The following NAPG variants were observed in gnomAD, a reference collection of about 807,000 sequenced individuals.
The protein encoded by NAPG is gamma-soluble NSF attachment protein.
In NAPG, 25 loss-of-function variants were observed where a neutral mutation model predicts 48.4. That is an observed-to-expected ratio of 0.52 (90% CI 0.38 to 0.72). The LOEUF is 0.72. Ranked by LOEUF, NAPG falls within the 30% of genes least tolerant of loss-of-function variation. The probability of loss-of-function intolerance (pLI) is 0.00; values close to 1 mark genes in which losing one functional copy is unlikely to be tolerated. For missense variants in NAPG, 359 were observed against 372.5 expected, an observed-to-expected ratio of 0.96 and a Z score of 0.30; for synonymous variants, 139 against 127.2, an observed-to-expected ratio of 1.09 and a Z score of -0.62.
chr18:10,528,891 C>T (rs191273585), intron 1 of NAPG, among the ~76,000 whole-genome samples: 2 of 152,288 alleles, frequency 1.3e-5, no homozygotes, highest in African/African-American at 4.8e-5. Flanking sequence ...TTTGATTTTT[C>T]TCCATTTTCT....
At position 10,549,159 on chromosome 18, in the gene NAPG, A is replaced by G; in HGVS notation, c.795+63A>G. ...TTGAAAGAAAGAGGTTTCTAGTGAG[A>G]TTATTTTTTACCCATGTACTTAAGA... On this transcript the variant is annotated intron_variant, in intron 11 of 11. Transcript: ENST00000322897. 10 of 1,539,832 alleles carry G rather than the reference A, an allele frequency of 6.5e-6. No individual in the cohort carries two copies. In the South Asian group the frequency reaches 1.1e-4, roughly 17 times the overall value.
At chr18:10,538,320 C>T (rs1166693601) in intron 5 of NAPG, among the ~76,000 whole-genome samples, 2 of 152,226 alleles carry the variant, frequency 1.3e-5, no homozygotes, top group East Asian at 1.9e-4. Flanking sequence ...GCTCATGTGG[C>T]GGGACAGTGC....
At position 10,552,609 on chromosome 18, in the gene NAPG, G is replaced by C. The variant is rs1238257419; in HGVS notation, c.*2389G>C. 6.6e-6 allele frequency: 1 copy of C among 152,182 alleles called. No individual in the cohort carries two copies. The highest frequency in any genetic ancestry group is 2.4e-5 in the African/African-American group (1 of 41,442). The allele number at this position is 152,182 out of a possible 1,614,324, so 9.4% of individuals were successfully genotyped here. A position where few individuals can be genotyped will look rare whatever the true frequency, so the allele number is the denominator to read the frequency against. ...TAGATTTAATATATTGAATTTATTT[G>C]TACATATGCAGAGTACGGTATTTCT... On this transcript the variant is annotated 3_prime_UTR_variant, in exon 12 of 12. Coordinates refer to ENST00000322897, the MANE Select transcript of NAPG (RefSeq NM_003826.3).
At chr18:10,533,446 A>G (rs867752999) in intron 3 of NAPG, 90 bp from the exon 4 acceptor site, 7 of 1,186,394 alleles carry the variant, frequency 5.9e-6, no homozygotes, top group Middle Eastern at 2.1e-4. Context: ...TGGGTCAGTG[A>G]TTTAGTTAAC....
At position 10,526,139 on chromosome 18, in the gene NAPG, C is replaced by T. The variant is rs749070306; in HGVS notation, c.37C>T (p.Leu13Phe). ...GAAGATAAACGAGGGGCTGGAACAC[C>T]TCGCCAAAGCAGAGAAATAGTGAGT... ...AQKINEGLEH[L>F]AKAEKYLKTG... Residue 13 changes from leucine (L) to phenylalanine (F), a missense_variant, in exon 1 of 12, where the codon CTC becomes TTC. By Grantham distance (22) the Leu-to-Phe change is conservative (BLOSUM62 0). Transcript: ENST00000322897. The T allele has an allele frequency of 3.7e-6, 6 of 1,613,672 alleles. No individual in the cohort carries two copies. In the Admixed American group the frequency reaches 8.3e-5, roughly 22 times the overall value.
chr18:10,526,202 C>A (rs867883452), intron 1 of NAPG, 44 bp downstream of exon 1: 7 of 1,378,348 alleles, frequency 5.1e-6, no homozygotes, highest in Middle Eastern at 4.8e-4. Context: ...ACGCCGGGTC[C>A]GTCTCTCACT....
chr18:10,527,196 A>AG (rs990675625), intron 1 of NAPG, among the ~76,000 whole-genome samples: 5 of 150,678 alleles, frequency 3.3e-5, no homozygotes, highest in African/African-American at 9.7e-5. Context: ...TCAAAAAAAA[A>AG]AAAAAAAAAG....
Position 10,534,583 on chromosome 18 carries a change from G to T in NAPG, c.258+87G>T. 1 of 1,296,966 alleles carries T rather than the reference G, an allele frequency of 7.7e-7. No individual in the cohort carries two copies. 80.3% of individuals were successfully genotyped at this position (1,296,966 alleles called of 1,614,324 possible). ...CAAGAATTTTTGTTGAAGTTGAAAA[G>T]CTTCCTTACTGTAAGGCAAGAGGTG... On this transcript the variant is annotated intron_variant, in intron 5 of 11. Coordinates refer to ENST00000322897, the MANE Select transcript of NAPG (RefSeq NM_003826.3). The surrounding 1 kb of genome is among the most constrained non-coding windows in gnomAD (Gnocchi z 5.0).
In NAPG at chr18:10,535,059, A is replaced by G. The variant is rs1325030259; in HGVS notation, c.258+563A>G. Among the ~76,000 whole-genome samples the G allele has an allele frequency of 3.3e-5, 5 of 152,218 alleles. No homozygotes were observed. The East Asian group carries it at 9.6e-4, about 29-fold the overall frequency. ...GTGGTGAGACAGAACATACTACTTTATGATGCTGACTTTCAAAGTATGCCA... is the reference window on the plus strand; with the variant it reads ...GTGGTGAGACAGAACATACTACTTTGTGATGCTGACTTTCAAAGTATGCCA... On this transcript the variant is annotated intron_variant, in intron 5 of 11. Coordinates refer to ENST00000322897, the MANE Select transcript of NAPG (RefSeq NM_003826.3).
rs1256113639 is a variant in NAPG at position 10,549,096 on chromosome 18, T to C, written c.795T>C (p.Asp265=). 3.1e-6 allele frequency: 5 copies of C among 1,612,340 alleles called. No homozygotes were observed. Among genetic ancestry groups the C allele is most frequent in the Non-Finnish European group, 1.7e-6 (2 of 1,178,898 alleles). The change falls in exon 11 of 12, where the codon GAT becomes GAC. Residue 265 remains aspartate, a splice_region_variant and synonymous_variant. Coordinates refer to ENST00000322897, the MANE Select transcript of NAPG (RefSeq NM_003826.3). The part of the protein sequence containing the change: ...NSPLFKYMDN[D]YAKLGLSLVV... ...CGCTTTTCAAGTACATGGACAATGA[T>C]GTAAGTGGACCCATTTGCATAGCTT...
Position 10,551,235 on chromosome 18 carries a change from C to T in NAPG, c.*1015C>T, listed in dbSNP as rs1455701816. The T allele has an allele frequency of 6.6e-6, 1 of 151,966 alleles. No individual in the cohort carries two copies. The highest frequency in any genetic ancestry group is 1.5e-5 in the Non-Finnish European group (1 of 68,002). The allele number at this position is 151,966 out of a possible 1,614,324, so 9.4% of individuals were successfully genotyped here. A position where few individuals can be genotyped will look rare whatever the true frequency, so the allele number is the denominator to read the frequency against. On this transcript the variant is annotated 3_prime_UTR_variant, in exon 12 of 12. Transcript: ENST00000322897. ...TGTAGACATAAGCCACCTCACCCAG[C>T]CTATGAATATCTTTCTAACATTGTA...
chr18:10,548,409 C>G lies in NAPG; in HGVS notation c.665+31C>G. Reference sequence around the variant, plus strand: ...ACGTTGTCTGGGCCCTCTTGACTTGCAGTGGCGACACCTCTGTGTCTACAA... The same window carrying G: ...ACGTTGTCTGGGCCCTCTTGACTTGGAGTGGCGACACCTCTGTGTCTACAA... On this transcript the variant is annotated intron_variant, in intron 10 of 11. Transcript: ENST00000322897. This position sits in a 1 kb window ranked among gnomAD's most constrained non-coding sequence, Gnocchi z 4.4. The G allele has an allele frequency of 6.6e-7, 1 of 1,526,680 alleles. No individual in the cohort carries two copies. The highest frequency in any genetic ancestry group is 1.1e-5 in the South Asian group (1 of 89,080). The allele number at this position is 1,526,680 out of a possible 1,614,324, so 94.6% of individuals were successfully genotyped here.
chr18:10,540,070 AT>A lies in NAPG; in HGVS notation c.435+23del, dbSNP rs767213842. ...TGTGTTTGAAGTAAGTTTGAATCTT[AT>A]TTTTTTCTTTAATTACTTAGAATGT... On this transcript the variant is annotated intron_variant, in intron 7 of 11. Transcript: ENST00000322897. The A allele has an allele frequency of 7.2e-6, 11 of 1,534,390 alleles. No homozygotes were observed. Among genetic ancestry groups the A allele is most frequent in the East Asian group, 2.4e-5 (1 of 41,342 alleles).
chr18:10,540,244 TTAC>T, intron 7 of NAPG, 82 bp from the exon 8 acceptor site: 1 of 1,257,604 alleles, frequency 8.0e-7, no homozygotes, highest in South Asian at 1.3e-5. Flanking sequence ...TCCAGTGCCA[TTAC>T]TTCTTTACAA....
intron 7 of NAPG, 32 bp from the exon 8 acceptor site, chr18:10,540,297 A>G: frequency 6.3e-7 from 1 of 1,579,634 alleles, no homozygotes; most frequent in Non-Finnish European, 8.7e-7. Context: ...ACATTAAAGC[A>G]GCCAACACTT....
At chr18:10,529,412 C>T (rs147712455) in intron 1 of NAPG, among the ~76,000 whole-genome samples, 2 of 152,288 alleles carry the variant, frequency 1.3e-5, no homozygotes, top group East Asian at 1.9e-4. Flanking sequence ...TATACACAAA[C>T]AAGTTTTAGA....
At position 10,550,352 on chromosome 18, in the gene NAPG, T is replaced by G; in HGVS notation, c.*132T>G. 2 of 934,980 alleles carry G rather than the reference T, an allele frequency of 2.1e-6. No homozygotes were observed. Among genetic ancestry groups the G allele is most frequent in the Non-Finnish European group, 3.0e-6 (2 of 661,974 alleles). 57.9% of individuals were successfully genotyped at this position (934,980 alleles called of 1,614,324 possible). A position where few individuals can be genotyped will look rare whatever the true frequency, so the allele number is the denominator to read the frequency against. On this transcript the variant is annotated 3_prime_UTR_variant, in exon 12 of 12. Coordinates refer to ENST00000322897, the MANE Select transcript of NAPG (RefSeq NM_003826.3). ...TTTTGGATCCTAATAAAGACTAGTT[T>G]TTAGTTACCATCTTCCCAAATCACT...
chr18:10,539,697 T>C lies in NAPG; in HGVS notation c.259-65T>C. On this transcript the variant is annotated intron_variant, in intron 5 of 11. Transcript: ENST00000322897. The surrounding 1 kb of genome is among the most constrained non-coding windows in gnomAD (Gnocchi z 4.7). ...AATAAAAAATAATTGCATTTCAGAT[T>C]GTTAACTCTGTTTTTCTTTAATTGA... 2 of 1,249,118 alleles carry C rather than the reference T, an allele frequency of 1.6e-6. No individual in the cohort carries two copies. The highest frequency in any genetic ancestry group is 2.3e-6 in the Non-Finnish European group (2 of 859,836). The allele number at this position is 1,249,118 out of a possible 1,614,324, so 77.4% of individuals were successfully genotyped here.
Position 10,548,194 on chromosome 18 carries a change from A to G in NAPG, c.586-105A>G, listed in dbSNP as rs1029977701. Reference sequence around the variant, plus strand: ...AGCATTTATAAATCTCTGTTTATACAAACAAAGACTCTGAAAGTTAAACTC... The same window carrying G: ...AGCATTTATAAATCTCTGTTTATACGAACAAAGACTCTGAAAGTTAAACTC... On this transcript the variant is annotated intron_variant, in intron 9 of 11. Transcript: ENST00000322897. This position sits in a 1 kb window ranked among gnomAD's most constrained non-coding sequence, Gnocchi z 4.4. The G allele has an allele frequency of 3.8e-6, 3 of 788,888 alleles. No individual in the cohort carries two copies. The African/African-American group carries it at 5.2e-5, about 14-fold the overall frequency. The allele number at this position is 788,888 out of a possible 1,614,324, so 48.9% of individuals were successfully genotyped here.
Sources: allele counts gnomAD v4.1 joint callset (sites outside exome capture counted in the v4.1 genomes callset), GRCh38; gene constraint gnomAD v4.1.1; non-coding constraint Gnocchi (gnomAD v3.1); transcripts MANE v1.5; gene names NCBI Gene and HGNC (gene_info 2026-07-23, HGNC 2026-07-21).